The following SGCZ variants were observed in gnomAD, a reference collection of about 807,000 sequenced individuals.
The protein encoded by SGCZ is zeta-sarcoglycan.
A neutral mutation model predicts 41.3 loss-of-function variants in SGCZ; 40 were observed. The observed-to-expected ratio is 0.97, with a 90% CI of 0.75 to 1.26. SGCZ has a LOEUF of 1.26. Among genes scored for constraint, SGCZ ranks in the 50% most tolerant of loss-of-function variants. SGCZ has a pLI of 0.00. For missense variants in SGCZ, 552 were observed against 369.8 expected (o/e 1.49, Z -4.04); for synonymous variants, 206 against 137.5 (o/e 1.50, Z -3.49).
At chr8:15,008,125 G>C (rs1374954314) in intron 1 of SGCZ, among the ~76,000 whole-genome samples, 1 of 152,056 alleles carries the variant, frequency 6.6e-6, no homozygotes, top group Non-Finnish European at 1.5e-5. Context: ...TAATCTTCAA[G>C]AAGGATATTA....
chr8:14,203,840 T>C (rs539958022), intron 4 of SGCZ, among the ~76,000 whole-genome samples: 3 of 152,140 alleles, frequency 2.0e-5, no homozygotes, highest in Middle Eastern at 6.8e-3. Flanking sequence ...AGGAGTTACA[T>C]GGAATGAAAG....
intron 1 of SGCZ, among the ~76,000 whole-genome samples, chr8:14,793,176 T>C (rs1801012378): frequency 6.6e-6 from 1 of 152,248 alleles, no homozygotes; most frequent in South Asian, 2.1e-4. Flanking sequence ...CATGAAATTA[T>C]GTCCAAAATG....
chr8:14,318,676 A>G (rs1261245378), intron 3 of SGCZ, among the ~76,000 whole-genome samples: 1 of 151,976 alleles, frequency 6.6e-6, no homozygotes, highest in African/African-American at 2.4e-5. Context: ...GTTGGCACAA[A>G]TCATTTAGAA....
intron 2 of SGCZ, among the ~76,000 whole-genome samples, chr8:14,462,509 C>T (rs1217786719): frequency 6.6e-6 from 1 of 151,822 alleles, no homozygotes; most frequent in Non-Finnish European, 1.5e-5. Flanking sequence ...CCTCATTCGA[C>T]CCAATTTTTT....
chr8:14,776,571 G>A (rs1250698044), intron 1 of SGCZ, among the ~76,000 whole-genome samples: 1 of 121,206 alleles, frequency 8.3e-6, no homozygotes, highest in Non-Finnish European at 1.6e-5. Flanking sequence ...CATGCTCACT[G>A]CAAGCTCAGC....
At chr8:14,623,944 C>G (rs1361053009) in intron 1 of SGCZ, among the ~76,000 whole-genome samples, 1 of 152,166 alleles carries the variant, frequency 6.6e-6, no homozygotes, top group East Asian at 1.9e-4. Flanking sequence ...TGTTAGGACA[C>G]TGAAATTTTG....
At position 14,771,690 on chromosome 8, in the gene SGCZ, G is replaced by A. The variant is rs371373572; in HGVS notation, c.40-216764C>T. 3.3e-5 allele frequency among the ~76,000 whole-genome samples: 5 copies of A among 151,986 alleles called. 1 individual carries two copies. The highest frequency in any genetic ancestry group is 1.2e-4 in the African/African-American group (5 of 41,460). ...ATTTGTTTGCAATCAAATACATTTG[G>A]GAAGCAGTGGAATGTTCTCTTCACG... On this transcript the variant is annotated intron_variant, in intron 1 of 7. Transcript: ENST00000382080.
chr8:14,972,136 A>G (rs1486826370), intron 1 of SGCZ, among the ~76,000 whole-genome samples: 1 of 151,856 alleles, frequency 6.6e-6, no homozygotes, highest in Non-Finnish European at 1.5e-5. Context: ...GTTTGATAGA[A>G]CTCTTCAGTA....
chr8:14,481,249 A>C (rs1483676178), intron 2 of SGCZ, among the ~76,000 whole-genome samples: 1 of 152,168 alleles, frequency 6.6e-6, no homozygotes, highest in Non-Finnish European at 1.5e-5. Context: ...GCAGGATGAC[A>C]TTTTACACTA....
intron 1 of SGCZ, among the ~76,000 whole-genome samples, chr8:14,598,726 T>C (rs980443739): frequency 3.9e-5 from 6 of 152,020 alleles, no homozygotes; most frequent in Non-Finnish European, 8.8e-5. Context: ...GATATGTTTT[T>C]GCCAAGTAGC....
At chr8:14,124,081 C>G (rs1802779914) in intron 5 of SGCZ, among the ~76,000 whole-genome samples, 1 of 152,088 alleles carries the variant, frequency 6.6e-6, no homozygotes, top group Non-Finnish European at 1.5e-5. Context: ...CCAGGAATCA[C>G]CTTGATATCA....
chr8:14,433,418 A>G (rs1362755842), intron 2 of SGCZ, among the ~76,000 whole-genome samples: 1 of 152,212 alleles, frequency 6.6e-6, no homozygotes. Context: ...ATCATTTGGT[A>G]AGAACTAAAA....
At chr8:14,639,903 C>G (rs1179695598) in intron 1 of SGCZ, among the ~76,000 whole-genome samples, 1 of 151,560 alleles carries the variant, frequency 6.6e-6, no homozygotes, top group African/African-American at 2.4e-5. Context: ...CTGCAAGATA[C>G]TCTCTACTCC....
At chr8:14,252,281 A>G (rs1487409180) in intron 3 of SGCZ, among the ~76,000 whole-genome samples, 3 of 151,962 alleles carry the variant, frequency 2.0e-5, no homozygotes, top group Non-Finnish European at 2.9e-5. Flanking sequence ...TAAAATATTA[A>G]TTTATGAATA....
chr8:14,568,705 G>A (rs1033399883), intron 1 of SGCZ, among the ~76,000 whole-genome samples: 2 of 152,106 alleles, frequency 1.3e-5, no homozygotes, highest in African/African-American at 4.8e-5. Context: ...TTTCCTAGAG[G>A]TTTTATTGTT....
chr8:14,933,372 A>C (rs555249151), intron 1 of SGCZ, among the ~76,000 whole-genome samples: 1 of 151,996 alleles, frequency 6.6e-6, no homozygotes, highest in African/African-American at 2.4e-5. Context: ...TCTCTGCAAA[A>C]ATGGAACCAG....
chr8:14,475,292 C>T (rs1435998393), intron 2 of SGCZ, among the ~76,000 whole-genome samples: 1 of 151,986 alleles, frequency 6.6e-6, no homozygotes, highest in African/African-American at 2.4e-5. Context: ...TTTTCCAATT[C>T]ATAATAAAAG....
intron 2 of SGCZ, among the ~76,000 whole-genome samples, chr8:14,335,394 T>C (rs1252238253): frequency 6.6e-6 from 1 of 152,122 alleles, no homozygotes; most frequent in Non-Finnish European, 1.5e-5. Flanking sequence ...GGATGAATTT[T>C]TTTTCCTAAA....
rs779807205 is a variant in SGCZ at position 14,554,759 on chromosome 8, C to G, written c.207G>C (p.Trp69Cys). 1 of 1,612,530 alleles carries G rather than the reference C, an allele frequency of 6.2e-7. No homozygotes were observed. Among genetic ancestry groups the G allele is most frequent in the Non-Finnish European group, 8.5e-7 (1 of 1,179,216 alleles). Residue 69 changes from tryptophan (W) to cysteine (C), a missense_variant, in exon 2 of 8, where the codon TGG becomes TGC. Trp to Cys is a radical substitution (Grantham distance 215). Coordinates refer to ENST00000382080, the MANE Select transcript of SGCZ (RefSeq NM_139167.4). Reference sequence around the variant, plus strand: ...CAGTGAAATTCATAACTTTCAATATCCATATTGTCATGGCTAAGTTAACTA... The same window carrying G: ...CAGTGAAATTCATAACTTTCAATATGCATATTGTCATGGCTAAGTTAACTA... ...TMIVNLAMTI[W>C]ILKVMNFTVD... is the part of the protein sequence containing the mutation.
Sources: allele counts gnomAD v4.1 joint callset (sites outside exome capture counted in the v4.1 genomes callset), GRCh38; gene constraint gnomAD v4.1.1; transcripts MANE v1.5; gene names NCBI Gene and HGNC (gene_info 2026-07-23, HGNC 2026-07-21).